RAB11FIP1: variants seen among roughly 807,000 people sequenced by gnomAD.
RAB11FIP1 encodes rab11 family-interacting protein 1.
RAB11FIP1 carries 49 observed loss-of-function variants against 83.1 expected under a neutral mutation model. The observed-to-expected ratio is 0.59, with a 90% CI of 0.47 to 0.75. RAB11FIP1 has a LOEUF of 0.75. Ranked by LOEUF, RAB11FIP1 falls within the 30% of genes least tolerant of loss-of-function variation. RAB11FIP1 has a pLI of 0.00. For synonymous variants in RAB11FIP1, 670 were observed against 656.0 expected (o/e 1.02, Z -0.33); for missense variants, 1,536 against 1,598.7 (o/e 0.96, Z 0.67).
Position 37,872,420 on chromosome 8 carries a change from C to G in RAB11FIP1, c.2382G>C (p.Met794Ile), listed in dbSNP as rs760417256. The change falls in exon 4 of 6, where the codon ATG becomes ATC. Residue 794 changes from methionine (M) to isoleucine (I), a missense_variant. Physicochemically the swap from Met to Ile is conservative, Grantham distance 10 (BLOSUM62 1). Transcript: ENST00000330843. ...TCTGGTCCTTGCGGAGGTTCAGACC[C>G]ATCTCTTCCAGCTTCCGCATCATGG... ...IDSMMRKLEE[M>I]GLNLRKDQKK... The G allele has an allele frequency of 1.2e-6, 2 of 1,614,064 alleles. No individual in the cohort carries two copies. Among genetic ancestry groups the G allele is most frequent in the African/African-American group, 2.7e-5 (2 of 74,920 alleles).
intron 1 of RAB11FIP1, among the ~76,000 whole-genome samples, chr8:37,888,529 A>G (rs1212303754): frequency 1.3e-5 from 2 of 151,904 alleles, no homozygotes; most frequent in African/African-American, 4.8e-5. Context: ...CCCAAGCTGG[A>G]CTGCAGTGAT....
chr8:37,866,312 G>A (rs1488805926), intron 5 of RAB11FIP1, among the ~76,000 whole-genome samples: 2 of 151,306 alleles, frequency 1.3e-5, no homozygotes, highest in African/African-American at 4.9e-5. Context: ...TCCAGCATGG[G>A]CAACAGTGCG....
rs1806229628 is a variant in RAB11FIP1 at position 37,861,441 on chromosome 8, T to C, written c.*1454A>G. The stretch of plus-strand genomic sequence containing the variant: ...CCCACAAATAATTTGGGTTTCCTTT[T>C]GGGCAGGGAGAGAAAGTGTTCAAAG... On this transcript the variant is annotated 3_prime_UTR_variant, in exon 6 of 6. Transcript: ENST00000330843. 5.4e-6 allele frequency: 2 copies of C among 368,024 alleles called. No homozygotes were observed. Among genetic ancestry groups the C allele is most frequent in the Admixed American group, 8.5e-5 (2 of 23,400 alleles). 22.8% of individuals were successfully genotyped at this position (368,024 alleles called of 1,614,324 possible).
Position 37,872,523 on chromosome 8 carries a change from A to G in RAB11FIP1, c.2279T>C (p.Val760Ala). 3.1e-6 allele frequency: 5 copies of G among 1,614,108 alleles called. No homozygotes were observed. Among genetic ancestry groups the G allele is most frequent in the South Asian group, 1.1e-5 (1 of 91,078 alleles). The part of the protein sequence containing the change: ...RDLESQAGSL[V>A]ESKARDAAEE... ...AGCTGCATCCCTGGCTTTGCTCTCCACAAGAGACCCAGCCTGACTCTCCAA... is the reference window on the plus strand; with the variant it reads ...AGCTGCATCCCTGGCTTTGCTCTCCGCAAGAGACCCAGCCTGACTCTCCAA... Residue 760 changes from valine to alanine, a missense_variant, in exon 4 of 6, where the codon GTG becomes GCG. Val to Ala is a moderately conservative substitution (Grantham distance 64). Transcript: ENST00000330843.
intron 1 of RAB11FIP1, among the ~76,000 whole-genome samples, chr8:37,898,183 G>A (rs1807131321): frequency 6.6e-6 from 1 of 152,240 alleles, no homozygotes; most frequent in South Asian, 2.1e-4. Context: ...AGTGCTTACT[G>A]TGTGCCAGAC....
intron 3 of RAB11FIP1, among the ~76,000 whole-genome samples, chr8:37,874,092 A>G (rs1806548064): frequency 6.6e-6 from 1 of 152,260 alleles, no homozygotes; most frequent in Non-Finnish European, 1.5e-5. Flanking sequence ...AGGGTCTCTC[A>G]TACCAGAAAC....
At chr8:37,873,871 A>ATGTGTG (rs10678344) in intron 3 of RAB11FIP1, among the ~76,000 whole-genome samples, 7 of 149,574 alleles carry the variant, frequency 4.7e-5, no homozygotes, top group South Asian at 2.1e-4. Flanking sequence ...GTGTGTGTAT[A>ATGTGTG]TGTGTGTGTG....
In RAB11FIP1 at chr8:37,861,868, C is replaced by T; in HGVS notation, c.*1027G>A. 1 of 248,908 alleles carries T rather than the reference C, an allele frequency of 4.0e-6. No homozygotes were observed. 15.4% of individuals were successfully genotyped at this position (248,908 alleles called of 1,614,324 possible). A position where few individuals can be genotyped will look rare whatever the true frequency, so the allele number is the denominator to read the frequency against. On this transcript the variant is annotated 3_prime_UTR_variant, in exon 6 of 6. Coordinates refer to ENST00000330843, the MANE Select transcript of RAB11FIP1 (RefSeq NM_001002814.3). ...CCTTGCAAAGTGCTGGGATTACAGG[C>T]ATGAGCCACCACGACTGGCCTGAAG...
chr8:37,866,334 CAAA>C (rs112800499), intron 5 of RAB11FIP1, among the ~76,000 whole-genome samples: 2 of 119,460 alleles, frequency 1.7e-5, no homozygotes, highest in Non-Finnish European at 3.6e-5. Context: ...GACCCCATCT[CAAA>C]AAAAAAAAAA....
intron 1 of RAB11FIP1, among the ~76,000 whole-genome samples, chr8:37,896,042 G>A (rs886294553): frequency 6.6e-6 from 1 of 152,106 alleles, no homozygotes; most frequent in Non-Finnish European, 1.5e-5. Flanking sequence ...TGGCACGGTG[G>A]CTCACACCTA....
At chr8:37,889,950 A>AT (rs1015093893) in intron 1 of RAB11FIP1, among the ~76,000 whole-genome samples, 30 of 152,004 alleles carry the variant, frequency 2.0e-4, no homozygotes, top group Admixed American at 1.8e-3. Context: ...TACCTGGCTA[A>AT]TTTTTTGTGT....
chr8:37,870,551 CT>C, intron 4 of RAB11FIP1, 23 bp from the exon 5 acceptor site: 1 of 1,326,814 alleles, frequency 7.5e-7, no homozygotes, highest in Non-Finnish European at 1.1e-6. Context: ...GGAAAAGGAT[CT>C]TTAGACCCTC....
At chr8:37,870,114 T>C (rs1447334265) in intron 5 of RAB11FIP1, among the ~76,000 whole-genome samples, 1 of 151,428 alleles carries the variant, frequency 6.6e-6, no homozygotes, top group Non-Finnish European at 1.5e-5. Flanking sequence ...CTAGGCAACA[T>C]AGCAAGACCC....
chr8:37,877,262 G>A lies in RAB11FIP1; in HGVS notation c.661C>T (p.Leu221Phe). The A allele has an allele frequency of 1.9e-6, 3 of 1,614,188 alleles. No individual in the cohort carries two copies. The highest frequency in any genetic ancestry group is 2.5e-6 in the Non-Finnish European group (3 of 1,180,028). ...KKKKSKIKTL[L>F]SKSNLQKTPL... ...GTCTTCTGCAAATTTGACTTGGAAA[G>A]TAAGGTCTTGATCTTTGATTTCTTT... Residue 221 changes from leucine (L) to phenylalanine (F), a missense_variant, in exon 2 of 6, where the codon CTT (leucine) becomes TTT (phenylalanine). By Grantham distance (22) the Leu-to-Phe change is conservative. Coordinates refer to ENST00000330843, the MANE Select transcript of RAB11FIP1 (RefSeq NM_001002814.3).
At chr8:37,889,136 T>C (rs1423878036) in intron 1 of RAB11FIP1, among the ~76,000 whole-genome samples, 1 of 152,146 alleles carries the variant, frequency 6.6e-6, no homozygotes, top group Non-Finnish European at 1.5e-5. Flanking sequence ...ATGATCCTTA[T>C]GGACCCCTTC....
intron 1 of RAB11FIP1, among the ~76,000 whole-genome samples, chr8:37,888,321 G>A (rs946360481): frequency 1.3e-5 from 2 of 152,074 alleles, no homozygotes; most frequent in African/African-American, 2.4e-5. Flanking sequence ...TGGCCAGGTT[G>A]GTCTCAAACT....
Position 37,875,260 on chromosome 8 carries a change from G to A in RAB11FIP1, c.877C>T (p.Leu293Phe), listed in dbSNP as rs1375817847. ...AAGGAAAGTCCTTCCTTCTTGGGAA[G>A]GGTAAAGTTGACCTGGTTCAGTTGC... Reference protein sequence around the residue: ...LKQLNQVNFTLPKKEGLSFLG... With the variant: ...LKQLNQVNFTFPKKEGLSFLG... Residue 293 changes from leucine (L) to phenylalanine (F), a missense_variant, in exon 3 of 6, where the codon CTT becomes TTT. Leu to Phe is a conservative substitution (Grantham distance 22). Transcript: ENST00000330843. 2 of 1,613,912 alleles carry A rather than the reference G, an allele frequency of 1.2e-6. No homozygotes were observed. Among genetic ancestry groups the A allele is most frequent in the Non-Finnish European group, 1.7e-6 (2 of 1,179,964 alleles).
Position 37,858,806 on chromosome 8 carries a change from C to G in RAB11FIP1, c.*4089G>C, listed in dbSNP as rs1285556704. 6.6e-6 allele frequency: 1 copy of G among 152,236 alleles called. No individual in the cohort carries two copies. The highest frequency in any genetic ancestry group is 1.5e-5 in the Non-Finnish European group (1 of 68,082). 9.4% of individuals were successfully genotyped at this position (152,236 alleles called of 1,614,324 possible). On this transcript the variant is annotated 3_prime_UTR_variant, in exon 6 of 6. Coordinates refer to ENST00000330843, the MANE Select transcript of RAB11FIP1 (RefSeq NM_001002814.3). ...GGCCTTGGGACTCCTGGGAACCAGG[C>G]AAGATGGCAGCAACAGAAATCCCAG...
Position 37,861,582 on chromosome 8 carries a change from A to C in RAB11FIP1, c.*1313T>G, listed in dbSNP as rs1422975928. ...TAGTTTTTTTTAAGACAGAGTCTTAAAAAAATTGCCCAGGCTCTTTTTTTA... is the reference window on the plus strand; with the variant it reads ...TAGTTTTTTTTAAGACAGAGTCTTACAAAAATTGCCCAGGCTCTTTTTTTA... On this transcript the variant is annotated 3_prime_UTR_variant, in exon 6 of 6. Coordinates refer to ENST00000330843, the MANE Select transcript of RAB11FIP1 (RefSeq NM_001002814.3). 2.3e-6 allele frequency: 1 copy of C among 443,618 alleles called. No individual in the cohort carries two copies. The highest frequency in any genetic ancestry group is 4.5e-6 in the Non-Finnish European group (1 of 224,226). The allele number at this position is 443,618 out of a possible 1,614,324, so 27.5% of individuals were successfully genotyped here. A position where few individuals can be genotyped will look rare whatever the true frequency, so the allele number is the denominator to read the frequency against.
Sources: allele counts gnomAD v4.1 joint callset (sites outside exome capture counted in the v4.1 genomes callset), GRCh38; gene constraint gnomAD v4.1.1; transcripts MANE v1.5; gene names NCBI Gene and HGNC (gene_info 2026-07-23, HGNC 2026-07-21).